KIF13B: variants seen among roughly 807,000 people sequenced by gnomAD.
KIF13B encodes the protein kinesin-like protein KIF13B.
A neutral mutation model predicts 222.0 loss-of-function variants in KIF13B; 127 were observed. The ratio of observed to expected loss-of-function variants is 0.57; its 90% CI spans 0.50 to 0.66. KIF13B has a LOEUF of 0.66. KIF13B is among the 30% of genes least tolerant of loss of function. The pLI, the probability that KIF13B is intolerant of heterozygous loss-of-function variation, is 0.00. For synonymous variants in KIF13B, 976 were observed against 919.0 expected, an observed-to-expected ratio of 1.06 and a Z score of -1.12; for missense variants, 2,173 against 2,379.0, an observed-to-expected ratio of 0.91 and a Z score of 1.80.
At chr8:29,119,490 T>A (rs1187917112) in intron 29 of KIF13B, among the ~76,000 whole-genome samples, 1 of 152,174 alleles carries the variant, frequency 6.6e-6, no homozygotes, top group Non-Finnish European at 1.5e-5. Flanking sequence ...CTGGAGCTCG[T>A]GGGCAGACAT....
At chr8:29,161,000 T>C in intron 12 of KIF13B, 133 bp from the exon 13 acceptor site, 1 of 669,804 alleles carries the variant, frequency 1.5e-6, no homozygotes, top group Non-Finnish European at 2.3e-6. Flanking sequence ...TATGGCATTA[T>C]AGATTTATTG....
At position 29,177,511 on chromosome 8, in the gene KIF13B, G is replaced by A. The variant is rs775520357; in HGVS notation, c.788C>T (p.Thr263Ile). ...CTTCAGCCTGTCCCCTGCAGCGCCT[G>A]TCTTCGTTGCTCGTTCACTGCCAGC... The part of the protein sequence containing the change: ...DLAGSERATK[T>I]GAAGDRLKEG... Residue 263 changes from threonine (T) to isoleucine (I), a missense_variant, in exon 9 of 40, where the codon ACA becomes ATA. By Grantham distance (89) the Thr-to-Ile change is moderately conservative (BLOSUM62 -1). Around this residue, in one of 2 missense-constraint regions of KIF13B, gnomAD observed 1,480 missense variants for 1,722.8 expected, o/e 0.86. Transcript: ENST00000524189. 1 of 1,613,838 alleles carries A rather than the reference G, an allele frequency of 6.2e-7. No individual in the cohort carries two copies. Among genetic ancestry groups the A allele is most frequent in the Non-Finnish European group, 8.5e-7 (1 of 1,179,748 alleles).
intron 13 of KIF13B, 116 bp from the exon 14 acceptor site, chr8:29,155,972 T>G (rs951529136): frequency 1.4e-6 from 1 of 724,024 alleles, no homozygotes; most frequent in Non-Finnish European, 2.2e-6. Flanking sequence ...TTTTTTTTAT[T>G]TTTATTTTAT....
At position 29,097,277 on chromosome 8, in the gene KIF13B, GTGTTATATCAGGAAGATATA is replaced by G. The variant is rs1808576970; in HGVS notation, c.4324+1836_4324+1855del. Among the ~76,000 whole-genome samples, 4 of 109,990 alleles carry G rather than the reference GTGTTATATCAGGAAGATATA, an allele frequency of 3.6e-5. No individual in the cohort carries two copies. The South Asian group carries it at 1.0e-3, about 28-fold the overall frequency. 72.2% of individuals were successfully genotyped at this position (109,990 alleles called of 152,430 possible). On this transcript the variant is annotated intron_variant, in intron 36 of 39. Transcript: ENST00000524189. ...TCAGGAAGATATAACAATCTTAAAT[GTGTTATATCAGGAAGATATA>G]ACAATCTTAAATAATTAGAAGCTAA... is the stretch of plus-strand genomic sequence containing the variant.
Position 29,069,808 on chromosome 8 carries a change from C to A in KIF13B, c.*696G>T, listed in dbSNP as rs1465599926. Reference sequence around the variant, plus strand: ...GGGAATAAACGGCAAACATAAGAGACTTTCCAGGTGTCTAAAGATGCCAAA... The same window carrying A: ...GGGAATAAACGGCAAACATAAGAGAATTTCCAGGTGTCTAAAGATGCCAAA... On this transcript the variant is annotated 3_prime_UTR_variant, in exon 40 of 40. Coordinates refer to ENST00000524189, the MANE Select transcript of KIF13B (RefSeq NM_015254.4). The A allele has an allele frequency of 2.0e-5, 3 of 152,282 alleles. No homozygotes were observed. The highest frequency in any genetic ancestry group is 4.4e-5 in the Non-Finnish European group (3 of 68,060). 9.4% of individuals were successfully genotyped at this position (152,282 alleles called of 1,614,324 possible).
At chr8:29,262,392 C>G (rs894171302) in intron 1 of KIF13B, among the ~76,000 whole-genome samples, 4 of 152,232 alleles carry the variant, frequency 2.6e-5, no homozygotes, top group Non-Finnish European at 4.4e-5. Flanking sequence ...ACGAAAAGGG[C>G]ATCTCCTCCA....
intron 2 of KIF13B, among the ~76,000 whole-genome samples, chr8:29,204,405 C>CT (rs1813835894): frequency 6.6e-6 from 1 of 152,188 alleles, no homozygotes; most frequent in Non-Finnish European, 1.5e-5. Context: ...TCATCGTCCA[C>CT]TTTCACTATA....
intron 2 of KIF13B, among the ~76,000 whole-genome samples, chr8:29,233,862 A>G (rs911156735): frequency 5.9e-5 from 9 of 152,042 alleles, no homozygotes; most frequent in Non-Finnish European, 1.3e-4. Flanking sequence ...TCTGAAGTAC[A>G]TGTGTGTGTG....
At chr8:29,076,474 C>G (rs891944223) in intron 37 of KIF13B, among the ~76,000 whole-genome samples, 5 of 152,232 alleles carry the variant, frequency 3.3e-5, no homozygotes, top group Admixed American at 6.5e-5. Flanking sequence ...CGTCTGGGCA[C>G]TTGAGGCCTC....
intron 1 of KIF13B, among the ~76,000 whole-genome samples, chr8:29,260,832 G>A (rs977617615): frequency 1.3e-5 from 2 of 152,054 alleles, no homozygotes; most frequent in African/African-American, 2.4e-5. Flanking sequence ...TAGGCAGGCT[G>A]GTCTCGAACT....
chr8:29,086,961 A>G (rs1045632515), intron 37 of KIF13B, among the ~76,000 whole-genome samples: 1 of 152,238 alleles, frequency 6.6e-6, no homozygotes, highest in African/African-American at 2.4e-5. Context: ...AGTTCCGGGT[A>G]CTTGTGTATT....
At chr8:29,181,848 T>A in intron 7 of KIF13B, 71 bp downstream of exon 7, 3 of 1,010,972 alleles carry the variant, frequency 3.0e-6, no homozygotes, top group Non-Finnish European at 4.4e-6. Context: ...AATAACAAAT[T>A]AAGCCAAGAA....
rs559832440 is a variant in KIF13B at position 29,244,204 on chromosome 8, G to A, written c.149+1142C>T. Among the ~76,000 whole-genome samples the A allele has an allele frequency of 6.6e-5, 10 of 151,842 alleles. No homozygotes were observed. The East Asian group carries it at 1.7e-3, about 27-fold the overall frequency. On this transcript the variant is annotated intron_variant, in intron 2 of 39. Coordinates refer to ENST00000524189, the MANE Select transcript of KIF13B (RefSeq NM_015254.4). ...AATTTTTTGTATTTTTAGTAGAGAC[G>A]GGGTTTCACTGTGTTAGCCAGGATG...
At chr8:29,241,414 T>TA (rs1469741690) in intron 2 of KIF13B, among the ~76,000 whole-genome samples, 1 of 152,238 alleles carries the variant, frequency 6.6e-6, no homozygotes, top group Admixed American at 6.5e-5. Flanking sequence ...ATAAATCTTT[T>TA]AAAAAATAAA....
chr8:29,249,455 A>C (rs953305236), intron 1 of KIF13B, among the ~76,000 whole-genome samples: 11 of 146,284 alleles, frequency 7.5e-5, no homozygotes, highest in Non-Finnish European at 1.5e-5. Flanking sequence ...AAAAAAAAAG[A>C]TAAGCTCTAA....
intron 3 of KIF13B, among the ~76,000 whole-genome samples, chr8:29,194,405 T>C (rs1452246728): frequency 2.0e-5 from 3 of 152,080 alleles, no homozygotes; most frequent in African/African-American, 7.2e-5. Flanking sequence ...GAGCTAAGCC[T>C]GTGTGCTCGA....
chr8:29,239,598 G>A (rs1312773301), intron 2 of KIF13B, among the ~76,000 whole-genome samples: 1 of 152,146 alleles, frequency 6.6e-6, no homozygotes, highest in African/African-American at 2.4e-5. Context: ...TTCACTGTCT[G>A]GATGGCAGGA....
chr8:29,178,652 TA>T (rs35590594), intron 8 of KIF13B, among the ~76,000 whole-genome samples: 2,192 of 139,018 alleles, frequency 0.016, 40 homozygotes, highest in African/African-American at 0.049. Flanking sequence ...TACTTTTAGT[TA>T]AAAAAAAAAA....
intron 4 of KIF13B, 48 bp downstream of exon 4, chr8:29,190,949 C>T (rs761705617): frequency 6.9e-6 from 10 of 1,447,760 alleles, no homozygotes; most frequent in Non-Finnish European, 9.7e-6. Context: ...AAATACTGAA[C>T]CCCTCTTCTA....
Sources: allele counts gnomAD v4.1 joint callset (sites outside exome capture counted in the v4.1 genomes callset), GRCh38; gene constraint gnomAD v4.1.1; regional missense constraint gnomAD v4.1.1; transcripts MANE v1.5; gene names NCBI Gene and HGNC (gene_info 2026-07-23, HGNC 2026-07-21).